Variants in SMG6 observed in about 807,000 individuals in gnomAD.
SMG6 encodes the protein SMG6 nonsense mediated mRNA decay factor.
Under a neutral mutation model 142.2 loss-of-function variants are expected in SMG6, and 66 were observed. The ratio of observed to expected loss-of-function variants is 0.46; its 90% CI spans 0.38 to 0.57. The LOEUF (loss-of-function observed/expected upper bound fraction) is 0.57. Ranked by LOEUF, SMG6 falls within the 20% of genes least tolerant of loss-of-function variation. SMG6 has a pLI of 0.00. For synonymous variants in SMG6, 779 were observed against 702.4 expected (o/e 1.11, Z -1.72); for missense variants, 1,793 against 1,832.0 (o/e 0.98, Z 0.39).
At chr17:2,286,923 ATTTTTTTTTTTTTT>A (rs59503723) in intron 6 of SMG6, among the ~76,000 whole-genome samples, 5 of 111,442 alleles carry the variant, frequency 4.5e-5, no homozygotes, top group Non-Finnish European at 8.9e-5. Flanking sequence ...ACATAAAATA[ATTTTTTTTTTTTTT>A]TTTTTTTTTT....
intron 7 of SMG6, among the ~76,000 whole-genome samples, 168 bp from the exon 8 acceptor site, chr17:2,283,027 G>C (rs1009700389): frequency 1.3e-5 from 2 of 152,062 alleles, no homozygotes; most frequent in African/African-American, 4.8e-5. Context: ...AAAATTAGCT[G>C]GGTGTGGTGG....
At chr17:2,239,685 G>C (rs1281921530) in intron 9 of SMG6, among the ~76,000 whole-genome samples, 1 of 152,100 alleles carries the variant, frequency 6.6e-6, no homozygotes, top group Non-Finnish European at 1.5e-5. Context: ...CTTCTTTGCT[G>C]AGTTTTCTAA....
Position 2,065,111 on chromosome 17 carries a change from C to T in SMG6, c.4091G>A (p.Cys1364Tyr), listed in dbSNP as rs775390068. 6.2e-7 allele frequency: 1 copy of T among 1,613,772 alleles called. No homozygotes were observed. Among genetic ancestry groups the T allele is most frequent in the African/African-American group, 1.3e-5 (1 of 74,894 alleles). Residue 1364 changes from cysteine to tyrosine, a missense_variant, in exon 18 of 19, where the codon TGC (cysteine) becomes TAC (tyrosine). By Grantham distance (194) the Cys-to-Tyr change is radical. This residue lies in a region of SMG6 where 179 missense variants were observed against 212.6 expected (regional missense o/e 0.84). Transcript: ENST00000263073. ...CATGAAGTCCTTAGCCTTGTCTTTG[C>T]AGTAGTGGAGGCAGCAGGACAGGAT... ...DLILSCCLHY[C>Y]KDKAKDFMPA...
At chr17:2,258,060 C>CATATATAT (rs1486426443) in intron 8 of SMG6, among the ~76,000 whole-genome samples, 2,645 of 95,426 alleles carry the variant, frequency 0.028, 118 homozygotes, top group South Asian at 0.066. Context: ...CACACACACA[C>CATATATAT]ACACACATAT....
chr17:2,283,543 C>A, intron 7 of SMG6, 82 bp downstream of exon 7: 2 of 1,088,804 alleles, frequency 1.8e-6, no homozygotes, highest in South Asian at 1.3e-5. Context: ...ACGATCCTGC[C>A]GGTGCGCAGA....
chr17:2,187,399 A>ACTGG (rs1480139077), intron 11 of SMG6, among the ~76,000 whole-genome samples: 1 of 152,182 alleles, frequency 6.6e-6, no homozygotes, highest in African/African-American at 2.4e-5. Flanking sequence ...AATTAGGGCA[A>ACTGG]CTGGCACAAA....
chr17:2,147,011 G>T (rs1026936540), intron 13 of SMG6, among the ~76,000 whole-genome samples: 5 of 152,332 alleles, frequency 3.3e-5, no homozygotes, highest in South Asian at 4.1e-4. Context: ...AGAGGTTACA[G>T]GGATATTTCA....
At chr17:2,118,599 T>A (rs1210984094) in intron 13 of SMG6, among the ~76,000 whole-genome samples, 2 of 118,868 alleles carry the variant, frequency 1.7e-5, no homozygotes, top group African/African-American at 7.6e-5. Flanking sequence ...TCTAGATAGC[T>A]TTTTTTTTTT....
chr17:2,189,343 C>T (rs922431528), intron 10 of SMG6, among the ~76,000 whole-genome samples: 2 of 152,166 alleles, frequency 1.3e-5, no homozygotes, highest in African/African-American at 4.8e-5. Context: ...AAAAGCCTGC[C>T]TGTACCTACT....
Position 2,299,286 on chromosome 17 carries a change from A to C in SMG6, c.1467T>G (p.Gly489=), listed in dbSNP as rs200787872. Residue 489 remains glycine (G), a synonymous_variant, in exon 2 of 19, where the codon GGT becomes GGG. Coordinates refer to ENST00000263073, the MANE Select transcript of SMG6 (RefSeq NM_017575.5). This position sits in a 1 kb window ranked among gnomAD's most constrained non-coding sequence, Gnocchi z 4.3. ...TDDEVSPTSW[G]DSRQAQASYY... ...AAGATGCCTGAGCCTGGCGTGAGTC[A>C]CCCCAAGATGTAGGGCTGACTTCAT... 1.9e-6 allele frequency: 3 copies of C among 1,614,000 alleles called. No homozygotes were observed. The highest frequency in any genetic ancestry group is 2.5e-6 in the Non-Finnish European group (3 of 1,180,014).
At chr17:2,133,206 T>C (rs1216051551) in intron 13 of SMG6, among the ~76,000 whole-genome samples, 1 of 152,052 alleles carries the variant, frequency 6.6e-6, no homozygotes, top group Admixed American at 6.5e-5. Flanking sequence ...ATGGCGTCAC[T>C]GCACTCCAGT....
rs113505334 is a variant in SMG6 at position 2,299,685 on chromosome 17, T to C, written c.1068A>G (p.Ala356=). ...TGGGAGACTCTTTGTTCATGGCTTC[T>C]GCATCGAAAGTGACACGAAGAGTGC... The part of the protein sequence containing the change: ...YRGTLRVTFD[A]EAMNKESPMV... The change falls in exon 2 of 19, where the codon GCA becomes GCG. Residue 356 remains alanine (A), a synonymous_variant. Transcript: ENST00000263073. This position sits in a 1 kb window ranked among gnomAD's most constrained non-coding sequence, Gnocchi z 4.3. 13 of 1,614,228 alleles carry C rather than the reference T, an allele frequency of 8.1e-6. No homozygotes were observed. The highest frequency in any genetic ancestry group is 5.3e-5 in the African/African-American group (4 of 75,062).
chr17:2,236,977 G>A (rs748857150), intron 9 of SMG6: 5 of 379,456 alleles, frequency 1.3e-5, no homozygotes, highest in East Asian at 1.2e-4. Flanking sequence ...TGAAACCATC[G>A]GCTTTTCTAA....
intron 10 of SMG6, among the ~76,000 whole-genome samples, chr17:2,232,069 A>T (rs2073511887): frequency 6.6e-6 from 1 of 151,916 alleles, no homozygotes; most frequent in South Asian, 2.1e-4. Context: ...TTTGAAAAAG[A>T]GAGAACAAGA....
At chr17:2,143,687 G>A (rs867070211) in intron 13 of SMG6, among the ~76,000 whole-genome samples, 22 of 152,210 alleles carry the variant, frequency 1.4e-4, no homozygotes, top group Middle Eastern at 6.8e-3. Context: ...ATGAAACAAC[G>A]GAATTGTGTA....
chr17:2,153,648 G>A (rs568719173), intron 13 of SMG6, among the ~76,000 whole-genome samples: 125 of 150,914 alleles, frequency 8.3e-4, no homozygotes, highest in Middle Eastern at 3.4e-3. Flanking sequence ...AGAGTGTGAC[G>A]GTGACTGGGG....
chr17:2,200,625 C>A (rs1355364624), intron 10 of SMG6, among the ~76,000 whole-genome samples: 2 of 152,148 alleles, frequency 1.3e-5, no homozygotes, highest in Non-Finnish European at 2.9e-5. Context: ...CTCAGCCTCC[C>A]AAAGTGCAAG....
At chr17:2,203,598 G>A (rs2072595440) in intron 10 of SMG6, among the ~76,000 whole-genome samples, 1 of 152,218 alleles carries the variant, frequency 6.6e-6, no homozygotes. Context: ...GAGGTGTCCT[G>A]TGTCAAAAGT....
At chr17:2,272,492 C>G (rs1006187878) in intron 8 of SMG6, among the ~76,000 whole-genome samples, 1 of 152,210 alleles carries the variant, frequency 6.6e-6, no homozygotes, top group East Asian at 1.9e-4. Flanking sequence ...CTAAAACTTA[C>G]TTGTAACCCC....
Sources: gnomAD v4.1 joint callset for allele counts (sites outside exome capture counted in the v4.1 genomes callset) on GRCh38, gnomAD v4.1.1 for gene constraint, gnomAD v4.1.1 regional missense constraint, Gnocchi (gnomAD v3.1) non-coding constraint, MANE v1.5 for transcripts, NCBI Gene and HGNC (gene_info 2026-07-23, HGNC 2026-07-21) for gene names.